KDM4C: variants seen among roughly 807,000 people sequenced by gnomAD.
The protein encoded by KDM4C is lysine-specific demethylase 4C.
KDM4C carries 81 observed loss-of-function variants against 129.3 expected under a neutral mutation model. That is an observed-to-expected ratio of 0.63 (90% CI 0.52 to 0.75). KDM4C has a LOEUF of 0.75. Ranked by LOEUF, KDM4C falls within the 30% of genes least tolerant of loss-of-function variation. The probability of loss-of-function intolerance (pLI) is 0.00; values close to 1 mark genes in which losing one functional copy is unlikely to be tolerated. For missense variants in KDM4C, 1,457 were observed against 1,304.0 expected, an observed-to-expected ratio of 1.12 and a Z score of -1.81; for synonymous variants, 573 against 456.1, an observed-to-expected ratio of 1.26 and a Z score of -3.26.
rs779044543 is a variant in KDM4C at position 6,981,016 on chromosome 9, A to G, written c.1013A>G (p.Lys338Arg). ...AGATATCAGCTTTGGAAACAAGGAA[A>G]GGATATATACACCATTGATCACACG... ...PDRYQLWKQG[K>R]DIYTIDHTKP... The change falls in exon 9 of 22, where the codon AAG becomes AGG. Residue 338 changes from lysine (K) to arginine (R), a missense_variant. Transcript: ENST00000381309. 4 of 1,613,838 alleles carry G rather than the reference A, an allele frequency of 2.5e-6. No individual in the cohort carries two copies. Among genetic ancestry groups the G allele is most frequent in the East Asian group, 4.5e-5 (2 of 44,890 alleles).
chr9:6,906,623 G>T (rs1402430455), intron 8 of KDM4C, among the ~76,000 whole-genome samples: 1 of 152,160 alleles, frequency 6.6e-6, no homozygotes, highest in Non-Finnish European at 1.5e-5. Flanking sequence ...TACATTTTTT[G>T]TAGAGATGAA....
Position 7,152,859 on chromosome 9 carries a change from C to T in KDM4C, c.2782-12379C>T, listed in dbSNP as rs150572068. On this transcript the variant is annotated intron_variant, in intron 19 of 21. Transcript: ENST00000381309. ...ACATGAAAGAAAATAAAGGCTGGACCGGCTGCAGGGGAAAGATTGTGCATG... is the reference window on the plus strand; with the variant it reads ...ACATGAAAGAAAATAAAGGCTGGACTGGCTGCAGGGGAAAGATTGTGCATG... 5.9e-3 allele frequency among the ~76,000 whole-genome samples: 903 copies of T among 152,126 alleles called. 19 individuals carry two copies. The highest frequency in any genetic ancestry group is 0.031 in the East Asian group (158 of 5,172).
intron 12 of KDM4C, among the ~76,000 whole-genome samples, chr9:7,000,858 C>A (rs980949271): frequency 6.6e-6 from 1 of 152,138 alleles, no homozygotes; most frequent in Admixed American, 6.5e-5. Context: ...AAAATTAGCT[C>A]TGAAGATGTA....
chr9:6,920,887 G>A (rs1490941411), intron 8 of KDM4C, among the ~76,000 whole-genome samples: 1 of 152,190 alleles, frequency 6.6e-6, no homozygotes, highest in Non-Finnish European at 1.5e-5. Context: ...TTCCCCTGCA[G>A]TATGTCAAAA....
chr9:6,859,620 T>A (rs889458132), intron 5 of KDM4C, among the ~76,000 whole-genome samples: 3 of 151,434 alleles, frequency 2.0e-5, no homozygotes, highest in African/African-American at 7.3e-5. Flanking sequence ...TCCAGCACTT[T>A]GGGAGGCCCA....
rs566130137 is a variant in KDM4C, at chr9:6,975,746, G to A, written c.922-5179G>A. ...ATTCACTAATGGTTCATTAAAATTA[G>A]AATAAGAAATTCAGGGCCTGTGTGG... On this transcript the variant is annotated intron_variant, in intron 8 of 21. Coordinates refer to ENST00000381309, the MANE Select transcript of KDM4C (RefSeq NM_015061.6). Among the ~76,000 whole-genome samples the A allele has an allele frequency of 1.3e-3, 192 of 152,232 alleles. 1 individual carries two copies. The highest frequency in any genetic ancestry group is 4.5e-3 in the African/African-American group (188 of 41,536).
At chr9:6,788,219 A>G (rs1339231609) in intron 1 of KDM4C, among the ~76,000 whole-genome samples, 1 of 151,918 alleles carries the variant, frequency 6.6e-6, no homozygotes, top group African/African-American at 2.4e-5. Flanking sequence ...TGTACTTTTT[A>G]TTGTCTGTTT....
Position 7,097,597 on chromosome 9 carries a change from C to G in KDM4C, c.2425-6088C>G, listed in dbSNP as rs752228170. ...AAGTTCATCCTCTCCTGCCCCTCTTCTAGATCTGCTCAGTAGAATGGTTTG... is the reference window on the plus strand; with the variant it reads ...AAGTTCATCCTCTCCTGCCCCTCTTGTAGATCTGCTCAGTAGAATGGTTTG... On this transcript the variant is annotated intron_variant, in intron 17 of 21. Coordinates refer to ENST00000381309, the MANE Select transcript of KDM4C (RefSeq NM_015061.6). Among the ~76,000 whole-genome samples, 9 of 152,206 alleles carry G rather than the reference C, an allele frequency of 5.9e-5. No homozygotes were observed. The East Asian group carries it at 1.7e-3, about 29-fold the overall frequency.
chr9:6,779,820 C>T (rs748546909), intron 1 of KDM4C, among the ~76,000 whole-genome samples: 1 of 152,118 alleles, frequency 6.6e-6, no homozygotes, highest in Non-Finnish European at 1.5e-5. Context: ...TTACAAATAC[C>T]AGATGTGCAT....
chr9:6,724,705 A>G (rs565328144), intron 1 of KDM4C, among the ~76,000 whole-genome samples: 8 of 151,880 alleles, frequency 5.3e-5, no homozygotes, highest in Admixed American at 1.3e-4. Context: ...TAATTTTTGT[A>G]TTTTTAGTAG....
intron 4 of KDM4C, among the ~76,000 whole-genome samples, chr9:6,843,642 A>G (rs1369415475): frequency 6.6e-6 from 1 of 152,084 alleles, no homozygotes; most frequent in East Asian, 1.9e-4. Flanking sequence ...AGATCCTATA[A>G]TTGGTGAGTG....
chr9:6,957,025 T>C (rs1049740081), intron 8 of KDM4C, among the ~76,000 whole-genome samples: 4 of 152,190 alleles, frequency 2.6e-5, no homozygotes, highest in East Asian at 1.9e-4. Flanking sequence ...TTGGTTACGA[T>C]GGACAAGGGA....
chr9:6,802,925 T>C (rs1829283708), intron 2 of KDM4C, among the ~76,000 whole-genome samples: 1 of 152,216 alleles, frequency 6.6e-6, no homozygotes, highest in South Asian at 2.1e-4. Flanking sequence ...TATATTTAAA[T>C]CTCACAAAAT....
intron 7 of KDM4C, among the ~76,000 whole-genome samples, chr9:6,892,499 T>G (rs982475923): frequency 6.6e-6 from 1 of 152,206 alleles, no homozygotes; most frequent in Non-Finnish European, 1.5e-5. Context: ...ATTTTAATTA[T>G]ACTTAAAAAT....
At chr9:6,968,105 TATTA>T (rs766712753) in intron 8 of KDM4C, among the ~76,000 whole-genome samples, 39 of 152,322 alleles carry the variant, frequency 2.6e-4, no homozygotes, top group African/African-American at 6.5e-4. Flanking sequence ...AATTATGATC[TATTA>T]ATTATGTTTT....
chr9:6,791,333 G>T (rs1244118620), intron 1 of KDM4C, among the ~76,000 whole-genome samples: 2 of 152,132 alleles, frequency 1.3e-5, no homozygotes, highest in Admixed American at 6.5e-5. Context: ...GGGTGGTCTT[G>T]AACTCCTGGC....
intron 5 of KDM4C, among the ~76,000 whole-genome samples, chr9:6,866,179 C>G (rs1019884148): frequency 6.6e-6 from 1 of 152,082 alleles, no homozygotes; most frequent in African/African-American, 2.4e-5. Flanking sequence ...GCCACTGCAC[C>G]CATCCTTTTT....
chr9:7,104,948 G>T (rs1243552418), intron 18 of KDM4C, among the ~76,000 whole-genome samples: 1 of 151,940 alleles, frequency 6.6e-6, no homozygotes, highest in Non-Finnish European at 1.5e-5. Context: ...CTGGGCAGAT[G>T]TGAGTGAATG....
At chr9:6,975,574 T>G (rs2131745137) in intron 8 of KDM4C, among the ~76,000 whole-genome samples, 1 of 152,326 alleles carries the variant, frequency 6.6e-6, no homozygotes, top group African/African-American at 2.4e-5. Flanking sequence ...CATATATTTT[T>G]TTAAGGTTAT....
Sources: allele counts gnomAD v4.1 joint callset (sites outside exome capture counted in the v4.1 genomes callset), GRCh38; gene constraint gnomAD v4.1.1; transcripts MANE v1.5; gene names NCBI Gene and HGNC (gene_info 2026-07-23, HGNC 2026-07-21).